The following PPP1R14C variants were observed in gnomAD, a reference collection of about 807,000 sequenced individuals.
PPP1R14C encodes the protein protein phosphatase 1 regulatory inhibitor subunit 14C, also known as protein phosphatase 1 regulatory subunit 14C.
In PPP1R14C, 16 loss-of-function variants were observed where a neutral mutation model predicts 20.4. That is an observed-to-expected ratio of 0.78 (90% CI 0.53 to 1.19). The LOEUF (loss-of-function observed/expected upper bound fraction) is 1.19. Among genes scored for constraint, PPP1R14C ranks in the 50% most tolerant of loss-of-function variants. The probability of loss-of-function intolerance (pLI) is 0.00; values close to 1 mark genes in which losing one functional copy is unlikely to be tolerated. For synonymous variants in PPP1R14C, 91 were observed against 91.0 expected, an observed-to-expected ratio of 1.00 and a Z score of 0.00; for missense variants, 211 against 220.1, an observed-to-expected ratio of 0.96 and a Z score of 0.26.
intron 3 of PPP1R14C, among the ~76,000 whole-genome samples, chr6:150,238,472 T>C (rs953729432): frequency 1.3e-5 from 2 of 152,232 alleles, no homozygotes; most frequent in African/African-American, 4.8e-5. Context: ...CAGAGGTCTT[T>C]CGAGGCCTCT....
intron 3 of PPP1R14C, among the ~76,000 whole-genome samples, chr6:150,229,195 G>T (rs1315284309): frequency 6.6e-6 from 1 of 152,106 alleles, no homozygotes; most frequent in Non-Finnish European, 1.5e-5. Context: ...GTCCCCAAAA[G>T]CCCGGAAATG....
intron 2 of PPP1R14C, among the ~76,000 whole-genome samples, chr6:150,215,954 C>T (rs879388331): frequency 5.9e-5 from 9 of 152,076 alleles, no homozygotes; most frequent in Non-Finnish European, 8.8e-5. Context: ...TGTGCATGCG[C>T]GTGTGCATAC....
chr6:150,164,455 A>G (rs1407856203), intron 1 of PPP1R14C: 1 of 152,216 alleles, frequency 6.6e-6, no homozygotes, highest in Admixed American at 6.5e-5. Context: ...TTTGTCTGCT[A>G]CAAGGTCATG....
At chr6:150,173,056 A>G (rs1435133517) in intron 1 of PPP1R14C, among the ~76,000 whole-genome samples, 1 of 152,164 alleles carries the variant, frequency 6.6e-6, no homozygotes, top group African/African-American at 2.4e-5. Context: ...ATTTTAATTT[A>G]CAGATTTGCA....
At chr6:150,162,403 C>T (rs543892817) in intron 1 of PPP1R14C, among the ~76,000 whole-genome samples, 22 of 152,304 alleles carry the variant, frequency 1.4e-4, no homozygotes, top group Admixed American at 5.2e-4. Flanking sequence ...CTATTGCTAT[C>T]GTTTTGCCTT....
intron 3 of PPP1R14C, among the ~76,000 whole-genome samples, chr6:150,229,765 C>T (rs1562275285): frequency 6.6e-6 from 1 of 152,258 alleles, no homozygotes; most frequent in East Asian, 1.9e-4. Flanking sequence ...CAGCCACAAA[C>T]CCTTACCCAT....
chr6:150,159,015 G>T (rs1052955693), intron 1 of PPP1R14C, among the ~76,000 whole-genome samples: 3 of 151,818 alleles, frequency 2.0e-5, no homozygotes, highest in Non-Finnish European at 4.4e-5. Context: ...CTTCATTTTT[G>T]GGGGGGCAGG....
intron 2 of PPP1R14C, among the ~76,000 whole-genome samples, chr6:150,215,478 A>G (rs1778079675): frequency 6.6e-6 from 1 of 152,204 alleles, no homozygotes; most frequent in South Asian, 2.1e-4. Context: ...CATTGTTCTT[A>G]ATGTCCACTG....
chr6:150,198,135 G>A (rs55715433), intron 1 of PPP1R14C, among the ~76,000 whole-genome samples: 8 of 135,404 alleles, frequency 5.9e-5, no homozygotes, highest in Non-Finnish European at 1.1e-4. Flanking sequence ...CTGGATGCCC[G>A]GCTTTGTGTG....
intron 3 of PPP1R14C, among the ~76,000 whole-genome samples, chr6:150,243,231 A>G (rs1256007494): frequency 6.8e-6 from 1 of 146,888 alleles, no homozygotes; most frequent in Non-Finnish European, 1.5e-5. Context: ...GCCGGAGTGC[A>G]ATGGCACAAT....
intron 1 of PPP1R14C, among the ~76,000 whole-genome samples, chr6:150,166,716 G>A (rs1777426301): frequency 6.6e-6 from 1 of 152,232 alleles, no homozygotes; most frequent in African/African-American, 2.4e-5. Context: ...TGCCTCAGGA[G>A]GAGGAAGCAG....
Position 150,192,687 on chromosome 6 carries a change from T to A in PPP1R14C, c.307-22057T>A, listed in dbSNP as rs944960612. On this transcript the variant is annotated intron_variant, in intron 1 of 3. Coordinates refer to ENST00000361131, the MANE Select transcript of PPP1R14C (RefSeq NM_030949.3). ...ACACAATATGTGTTATTATATTTCA[T>A]GGTTCTGGGGGTTGATAGGACTCAG... 3.3e-5 allele frequency among the ~76,000 whole-genome samples: 5 copies of A among 152,164 alleles called. No homozygotes were observed. In the South Asian group the frequency reaches 6.2e-4, roughly 19 times the overall value.
intron 1 of PPP1R14C, among the ~76,000 whole-genome samples, chr6:150,212,176 T>A (rs377046827): frequency 1.3e-5 from 2 of 152,372 alleles, no homozygotes; most frequent in East Asian, 1.9e-4. Flanking sequence ...AGCTTTCTGC[T>A]ACAATGCAAG....
In PPP1R14C at chr6:150,143,367, G is replaced by C. The variant is rs1333763660; in HGVS notation, c.175G>C (p.Val59Leu). ...PVATAAAAGQVQQQQQRRHQQ... is the reference protein window; with the variant it reads ...PVATAAAAGQLQQQQQRRHQQ... ...GGCCACGGCGGCCGCTGCAGGGCAG[G>C]TTCAGCAGCAACAGCAGCGGCGACA... is the stretch of plus-strand genomic sequence containing the variant. Residue 59 changes from valine (V) to leucine (L), a missense_variant, in exon 1 of 4, where the codon GTT becomes CTT. Coordinates refer to ENST00000361131, the MANE Select transcript of PPP1R14C (RefSeq NM_030949.3). This position sits in a 1 kb window ranked among gnomAD's most constrained non-coding sequence, Gnocchi z 5.6. 2 of 1,611,020 alleles carry C rather than the reference G, an allele frequency of 1.2e-6. No homozygotes were observed. Among genetic ancestry groups the C allele is most frequent in the African/African-American group, 2.7e-5 (2 of 74,668 alleles).
intron 1 of PPP1R14C, among the ~76,000 whole-genome samples, chr6:150,183,063 ATAT>A (rs1049113398): frequency 1.3e-5 from 2 of 152,236 alleles, no homozygotes; most frequent in African/African-American, 4.8e-5. Context: ...GTTGGTGGAA[ATAT>A]TATTATGCTG....
intron 3 of PPP1R14C, among the ~76,000 whole-genome samples, chr6:150,222,765 CT>C (rs4038164): frequency 0.052 from 3,672 of 71,100 alleles, 13 homozygotes; most frequent in Non-Finnish European, 0.066. Context: ...TTCAAACTGG[CT>C]TTTTTTTTTT....
Position 150,248,748 on chromosome 6 carries a change from A to G in PPP1R14C, c.426A>G (p.Glu142=). 6.2e-7 allele frequency: 1 copy of G among 1,608,536 alleles called. No homozygotes were observed. The highest frequency in any genetic ancestry group is 8.5e-7 in the Non-Finnish European group (1 of 1,175,120). ...ALVDCYKPTE[E]FIKELLSRIR... ...TAACTTCTTCTGATCTCTTTTAGGA[A>G]TTTATCAAAGAGCTGCTTTCTCGGA... The change falls in exon 4 of 4, where the codon GAA becomes GAG. Residue 142 remains glutamate (E), a splice_region_variant and synonymous_variant. Transcript: ENST00000361131.
At chr6:150,149,856 G>A (rs1777225197) in intron 1 of PPP1R14C, among the ~76,000 whole-genome samples, 1 of 152,224 alleles carries the variant, frequency 6.6e-6, no homozygotes, top group African/African-American at 2.4e-5. Context: ...GGGTGTTGGT[G>A]TATGTTTGAA....
At chr6:150,174,054 A>G (rs1777530031) in intron 1 of PPP1R14C, among the ~76,000 whole-genome samples, 1 of 146,964 alleles carries the variant, frequency 6.8e-6, no homozygotes, top group Admixed American at 6.8e-5. Context: ...ATTATTGAAA[A>G]ATAATAATTA....
Sources: gnomAD v4.1 joint callset for allele counts (sites outside exome capture counted in the v4.1 genomes callset) on GRCh38, gnomAD v4.1.1 for gene constraint, Gnocchi (gnomAD v3.1) non-coding constraint, MANE v1.5 for transcripts, NCBI Gene and HGNC (gene_info 2026-07-23, HGNC 2026-07-21) for gene names.